Variants in CRYBG1 observed in about 807,000 individuals in gnomAD.
The protein encoded by CRYBG1 is beta/gamma crystallin domain-containing protein 1.
CRYBG1 carries 139 observed loss-of-function variants against 189.2 expected under a neutral mutation model. The ratio of observed to expected loss-of-function variants is 0.73; its 90% CI spans 0.64 to 0.85. The LOEUF (loss-of-function observed/expected upper bound fraction) is 0.85, where lower values mean the gene tolerates loss of function less well. CRYBG1 is among the 40% of genes least tolerant of loss of function. The pLI is 0.00. For synonymous variants in CRYBG1, 1,023 were observed against 1,017.1 expected, an observed-to-expected ratio of 1.01 and a Z score of -0.11; for missense variants, 2,611 against 2,675.8, an observed-to-expected ratio of 0.98 and a Z score of 0.53.
chr6:106,512,520 A>T lies in CRYBG1; in HGVS notation c.1403A>T (p.Lys468Ile). 3 of 1,610,308 alleles carry T rather than the reference A, an allele frequency of 1.9e-6. No homozygotes were observed. Among genetic ancestry groups the T allele is most frequent in the Non-Finnish European group, 2.5e-6 (3 of 1,178,842 alleles). ...SDNASAEKKVKSPRAALDGGV... is the reference protein window; with the variant it reads ...SDNASAEKKVISPRAALDGGV... ...AACGCCTCGGCGGAAAAGAAAGTGA[A>T]ATCTCCGCGGGCAGCCCTCGACGGG... The change falls in exon 3 of 22, where the codon AAA (lysine) becomes ATA (isoleucine). Residue 468 changes from lysine (K) to isoleucine (I), a missense_variant. Physicochemically the swap from Lys to Ile is moderately radical, Grantham distance 102. Around this residue, in one of 3 missense-constraint regions of CRYBG1, gnomAD observed 985 missense variants for 924.4 expected, o/e 1.07. Transcript: ENST00000633556.
chr6:106,435,855 C>T (rs1045109811), intron 1 of CRYBG1, among the ~76,000 whole-genome samples: 48 of 152,254 alleles, frequency 3.2e-4, no homozygotes, highest in African/African-American at 1.1e-3. Context: ...GTGTGAACCA[C>T]GGTGCCCAGC....
chr6:106,429,118 C>CT (rs36017542), intron 1 of CRYBG1, among the ~76,000 whole-genome samples: 58,074 of 152,034 alleles, frequency 0.38, 11,887 homozygotes, highest in East Asian at 0.68. Context: ...ACATTTTAAC[C>CT]TTTGGCAAAA....
At chr6:106,447,235 T>C (rs1480277612) in intron 1 of CRYBG1, among the ~76,000 whole-genome samples, 1 of 152,204 alleles carries the variant, frequency 6.6e-6, no homozygotes, top group Non-Finnish European at 1.5e-5. Flanking sequence ...TGTGCTTCCA[T>C]TGGCACATAA....
At position 106,451,608 on chromosome 6, in the gene CRYBG1, T is replaced by C. The variant is rs1041216158; in HGVS notation, c.174-86T>C. 52 of 1,250,146 alleles carry C rather than the reference T, an allele frequency of 4.2e-5. No individual in the cohort carries two copies. In the African/African-American group the frequency reaches 7.8e-4, roughly 19 times the overall value. 77.4% of individuals were successfully genotyped at this position (1,250,146 alleles called of 1,614,324 possible). On this transcript the variant is annotated intron_variant, in intron 1 of 21. Transcript: ENST00000633556. Reference sequence around the variant, plus strand: ...TTTGGGCTGACTGGAAATATATTAATACATGGAGAAATATGCCTTTGGGTT... The same window carrying C: ...TTTGGGCTGACTGGAAATATATTAACACATGGAGAAATATGCCTTTGGGTT...
chr6:106,553,315 A>T (rs1774452211), intron 15 of CRYBG1, 140 bp from the exon 16 acceptor site: 2 of 613,644 alleles, frequency 3.3e-6, no homozygotes, highest in Non-Finnish European at 5.9e-6. Context: ...TAGACATGGA[A>T]AATTAAAGGA....
chr6:106,566,464 CTTT>C (rs34773477), intron 21 of CRYBG1, among the ~76,000 whole-genome samples: 16 of 71,666 alleles, frequency 2.2e-4, no homozygotes, highest in African/African-American at 9.4e-4. Context: ...CAACAACAGT[CTTT>C]TTTTTTTTTT....
intron 1 of CRYBG1, among the ~76,000 whole-genome samples, chr6:106,367,157 A>G (rs1447892885): frequency 6.6e-6 from 1 of 152,168 alleles, no homozygotes; most frequent in East Asian, 1.9e-4. Context: ...GAATTACTTT[A>G]TCCCCCCTCT....
chr6:106,366,317 C>A (rs1771997884), intron 1 of CRYBG1, among the ~76,000 whole-genome samples: 1 of 152,026 alleles, frequency 6.6e-6, no homozygotes, highest in Non-Finnish European at 1.5e-5. Flanking sequence ...TTTCCTTATA[C>A]TAAAGGAAAG....
At chr6:106,396,662 A>G (rs1336251512) in intron 1 of CRYBG1, among the ~76,000 whole-genome samples, 1 of 152,188 alleles carries the variant, frequency 6.6e-6, no homozygotes, top group Admixed American at 6.5e-5. Flanking sequence ...TACCAGAAAA[A>G]CAAGACCTCA....
At chr6:106,496,540 G>C (rs892399677) in intron 2 of CRYBG1, among the ~76,000 whole-genome samples, 2 of 151,806 alleles carry the variant, frequency 1.3e-5, no homozygotes, top group South Asian at 4.1e-4. Flanking sequence ...GTTTAAGAGC[G>C]TCATGACTAT....
At chr6:106,403,234 G>A (rs1770757159) in intron 1 of CRYBG1, among the ~76,000 whole-genome samples, 1 of 152,182 alleles carries the variant, frequency 6.6e-6, no homozygotes, top group Admixed American at 6.5e-5. Flanking sequence ...CTACTCAGGA[G>A]GCTGAGGTGG....
intron 1 of CRYBG1, among the ~76,000 whole-genome samples, chr6:106,366,782 G>A (rs1048201931): frequency 1.3e-5 from 2 of 152,264 alleles, no homozygotes; most frequent in African/African-American, 2.4e-5. Flanking sequence ...CTGGATAGAG[G>A]AAAGGTGGTG....
intron 2 of CRYBG1, 129 bp from the exon 3 acceptor site, chr6:106,511,301 C>A: frequency 1.1e-6 from 1 of 922,968 alleles, no homozygotes; most frequent in African/African-American, 1.7e-5. Flanking sequence ...GTAACATAAA[C>A]ATAACTTTAT....
intron 2 of CRYBG1, among the ~76,000 whole-genome samples, chr6:106,478,245 G>C (rs1196907234): frequency 6.6e-6 from 1 of 152,188 alleles, no homozygotes. Flanking sequence ...AAAATAATGA[G>C]TGTGTATGTA....
chr6:106,568,721 C>A lies in CRYBG1; in HGVS notation c.*155C>A. Reference sequence around the variant, plus strand: ...AATCATGCTGCCATGACTCAGAGAACTTACTCATCGTTTCAAAAGACTATC... The same window carrying A: ...AATCATGCTGCCATGACTCAGAGAAATTACTCATCGTTTCAAAAGACTATC... On this transcript the variant is annotated 3_prime_UTR_variant, in exon 22 of 22. Coordinates refer to ENST00000633556, the MANE Select transcript of CRYBG1 (RefSeq NM_001371242.2). The A allele has an allele frequency of 1.8e-6, 1 of 555,598 alleles. No individual in the cohort carries two copies. The highest frequency in any genetic ancestry group is 2.8e-4 in the Middle Eastern group (1 of 3,588). 34.4% of individuals were successfully genotyped at this position (555,598 alleles called of 1,614,324 possible). A position where few individuals can be genotyped will look rare whatever the true frequency, so the allele number is the denominator to read the frequency against.
At position 106,451,340 on chromosome 6, in the gene CRYBG1, C is replaced by G. The variant is rs184846292; in HGVS notation, c.174-354C>G. ...ACTTACAAATTTCTTTTTGTTATTT[C>G]TTAAAAGCCACGACATAGAACAACC... is the stretch of plus-strand genomic sequence containing the variant. On this transcript the variant is annotated intron_variant, in intron 1 of 21. Coordinates refer to ENST00000633556, the MANE Select transcript of CRYBG1 (RefSeq NM_001371242.2). 1.4e-3 allele frequency among the ~76,000 whole-genome samples: 211 copies of G among 152,154 alleles called. 1 individual carries two copies. Among genetic ancestry groups the G allele is most frequent in the African/African-American group, 4.8e-3 (199 of 41,514 alleles).
intron 1 of CRYBG1, among the ~76,000 whole-genome samples, chr6:106,408,109 A>C (rs1770858796): frequency 6.6e-6 from 1 of 152,204 alleles, no homozygotes; most frequent in Non-Finnish European, 1.5e-5. Flanking sequence ...AAGATTAACA[A>C]AATAGATAGA....
In CRYBG1 at chr6:106,461,944, A is replaced by G. The variant is rs147609812; in HGVS notation, c.312+10112A>G. The stretch of plus-strand genomic sequence containing the variant: ...GTACTATGACCGGGATCTTGAGGTA[A>G]GTCCTTGATGAGGAAATCCTTCTGA... On this transcript the variant is annotated intron_variant, in intron 2 of 21. Coordinates refer to ENST00000633556, the MANE Select transcript of CRYBG1 (RefSeq NM_001371242.2). Among the ~76,000 whole-genome samples, 5 of 152,316 alleles carry G rather than the reference A, an allele frequency of 3.3e-5. No homozygotes were observed. The East Asian group carries it at 9.6e-4, about 29-fold the overall frequency.
chr6:106,543,214 G>A (rs974563314), intron 10 of CRYBG1, among the ~76,000 whole-genome samples: 9 of 151,958 alleles, frequency 5.9e-5, no homozygotes, highest in Admixed American at 5.2e-4. Context: ...ATTTTTAGCA[G>A]AGACGGGGTT....
Sources: gnomAD v4.1 joint callset for allele counts (sites outside exome capture counted in the v4.1 genomes callset) on GRCh38, gnomAD v4.1.1 for gene constraint, gnomAD v4.1.1 regional missense constraint, MANE v1.5 for transcripts, NCBI Gene and HGNC (gene_info 2026-07-23, HGNC 2026-07-21) for gene names.